Variants in DTNA observed in about 807,000 individuals in gnomAD.
The protein encoded by DTNA is dystrophin-related protein 3.
In DTNA, 43 loss-of-function variants were observed where a neutral mutation model predicts 100.7. The observed-to-expected ratio is 0.43, with a 90% CI of 0.33 to 0.55. The LOEUF (loss-of-function observed/expected upper bound fraction) is 0.55, where lower values mean the gene tolerates loss of function less well. DTNA is among the 20% of genes least tolerant of loss of function. DTNA has a pLI of 0.04. For synonymous variants in DTNA, 349 were observed against 347.9 expected (o/e 1.00, Z -0.04); for missense variants, 798 against 953.9 (o/e 0.84, Z 2.15).
chr18:34,556,184 G>A (rs954757752), intron 1 of DTNA, among the ~76,000 whole-genome samples: 6 of 151,288 alleles, frequency 4.0e-5, no homozygotes, highest in African/African-American at 1.5e-4. Flanking sequence ...CAGAGACTAG[G>A]ATTGCAACCC....
chr18:34,767,077 T>C (rs544265901), intron 3 of DTNA, among the ~76,000 whole-genome samples: 1 of 152,356 alleles, frequency 6.6e-6, no homozygotes, highest in East Asian at 1.9e-4. Flanking sequence ...ACGTTTTCTT[T>C]TCTTTTTAAA....
intron 11 of DTNA, among the ~76,000 whole-genome samples, chr18:34,830,263 G>C (rs2095973684): frequency 6.6e-6 from 1 of 151,838 alleles, no homozygotes; most frequent in Non-Finnish European, 1.5e-5. Flanking sequence ...AGTCAGTATA[G>C]GGCAGCACCG....
At chr18:34,559,757 T>C (rs1367985823) in intron 1 of DTNA, among the ~76,000 whole-genome samples, 1 of 152,204 alleles carries the variant, frequency 6.6e-6, no homozygotes, top group Admixed American at 6.5e-5. Flanking sequence ...CAGAGGTCTT[T>C]AGTAAACACA....
intron 20 of DTNA, 147 bp downstream of exon 20, chr18:34,879,866 T>C: frequency 9.5e-7 from 1 of 1,052,012 alleles, no homozygotes; most frequent in African/African-American, 1.6e-5. Flanking sequence ...TATAGAAGGG[T>C]GCTACATTTA....
chr18:34,822,365 G>A (rs1057244794), intron 9 of DTNA: 1 of 152,218 alleles, frequency 6.6e-6, no homozygotes. Flanking sequence ...AGCAGCCAGT[G>A]CTCCCTGAGC....
At chr18:34,706,977 A>G (rs984323131), upstream of DTNA, among the ~76,000 whole-genome samples, 1 of 152,230 alleles carries the variant, frequency 6.6e-6, no homozygotes, top group African/African-American at 2.4e-5. Flanking sequence ...TGCCCTAACA[A>G]TAAAGCACTT....
intron 6 of DTNA, 200 bp from the exon 7 acceptor site, chr18:34,815,709 A>G (rs574981507): frequency 3.6e-6 from 2 of 550,322 alleles, no homozygotes; most frequent in Admixed American, 2.8e-5. Flanking sequence ...ATTCAGTCCT[A>G]TGTCTGCTTA....
intron 1 of DTNA, among the ~76,000 whole-genome samples, chr18:34,717,929 A>G (rs2084386270): frequency 6.6e-6 from 1 of 152,210 alleles, no homozygotes; most frequent in African/African-American, 2.4e-5. Context: ...CCAGAAGTTA[A>G]TGTTACAATC....
chr18:34,732,517 G>T (rs753678976), intron 1 of DTNA, among the ~76,000 whole-genome samples: 31 of 152,188 alleles, frequency 2.0e-4, no homozygotes, highest in Non-Finnish European at 3.8e-4. Flanking sequence ...ATGCAACCTG[G>T]ACTGAGCTGG....
intron 1 of DTNA, among the ~76,000 whole-genome samples, chr18:34,558,972 A>G (rs1329919629): frequency 6.6e-6 from 1 of 152,220 alleles, no homozygotes; most frequent in African/African-American, 2.4e-5. Flanking sequence ...CTTGTTACAC[A>G]TGGCCACTCT....
chr18:34,889,015 G>C lies in DTNA; in HGVS notation c.*1281G>C, dbSNP rs1320652507. 1 of 985,684 alleles carries C rather than the reference G, an allele frequency of 1.0e-6. No individual in the cohort carries two copies. The highest frequency in any genetic ancestry group is 1.2e-6 in the Non-Finnish European group (1 of 829,924). The allele number at this position is 985,684 out of a possible 1,614,324, so 61.1% of individuals were successfully genotyped here. A position where few individuals can be genotyped will look rare whatever the true frequency, so the allele number is the denominator to read the frequency against. ...TGCAAAAGAGCTATCAAAGACAAGAGGATAAAAGACTGGGATAGTCTTTTC... is the reference window on the plus strand; with the variant it reads ...TGCAAAAGAGCTATCAAAGACAAGACGATAAAAGACTGGGATAGTCTTTTC... On this transcript the variant is annotated 3_prime_UTR_variant, in exon 23 of 23. Transcript: ENST00000444659.
rs537397991 is a variant in DTNA, at chr18:34,856,986, A to G, written c.1533-1299A>G. On this transcript the variant is annotated intron_variant, in intron 15 of 22. Transcript: ENST00000444659. Reference sequence around the variant, plus strand: ...TGGAAATCCCACTGCACTGATTTTCAGGCTGAGCTTTATGGCATCCTGAGG... The same window carrying G: ...TGGAAATCCCACTGCACTGATTTTCGGGCTGAGCTTTATGGCATCCTGAGG... Among the ~76,000 whole-genome samples the G allele has an allele frequency of 2.0e-5, 3 of 152,300 alleles. No individual in the cohort carries two copies. In the East Asian group the frequency reaches 5.8e-4, roughly 29 times the overall value.
intron 1 of DTNA, among the ~76,000 whole-genome samples, chr18:34,737,085 A>G (rs2089753744): frequency 6.6e-6 from 1 of 152,182 alleles, no homozygotes; most frequent in South Asian, 2.1e-4. Flanking sequence ...TTAGTATTCT[A>G]AGGATATTTG....
chr18:34,827,695 A>T lies in DTNA; in HGVS notation c.1085+19A>T, dbSNP rs753277083. ...CCAGGAGGTAAGTTCCAACCCTATT[A>T]TAAAATAAGCCCTTTCTTTGGTAAT... On this transcript the variant is annotated intron_variant, in intron 10 of 22. Transcript: ENST00000444659. 1.2e-6 allele frequency: 2 copies of T among 1,609,120 alleles called. No individual in the cohort carries two copies. The highest frequency in any genetic ancestry group is 4.5e-5 in the East Asian group (2 of 44,836).
At chr18:34,821,579 G>A (rs75355440) in intron 9 of DTNA, 8,139 of 448,780 alleles carry the variant, frequency 0.018, 123 homozygotes, top group Non-Finnish European at 0.025. Flanking sequence ...TCAGGCCTGG[G>A]TGGCCAAGAT....
At chr18:34,602,486 G>T (rs1015747760) in intron 1 of DTNA, among the ~76,000 whole-genome samples, 1 of 152,112 alleles carries the variant, frequency 6.6e-6, no homozygotes, top group African/African-American at 2.4e-5. Flanking sequence ...AGTGTAATTT[G>T]ACTATGGAAC....
intron 1 of DTNA, among the ~76,000 whole-genome samples, chr18:34,615,509 G>A (rs1251101809): frequency 1.3e-5 from 2 of 152,300 alleles, no homozygotes; most frequent in East Asian, 1.9e-4. Flanking sequence ...GGCAAAAAGA[G>A]TATGACTCAG....
chr18:34,680,968 C>T (rs1007302050), intron 1 of DTNA, among the ~76,000 whole-genome samples: 1 of 152,040 alleles, frequency 6.6e-6, no homozygotes, highest in African/African-American at 2.4e-5. Flanking sequence ...TACATGTTAC[C>T]TCCAGCTTCT....
At chr18:34,783,877 G>A (rs2094424935) in intron 3 of DTNA, among the ~76,000 whole-genome samples, 2 of 152,082 alleles carry the variant, frequency 1.3e-5, no homozygotes, top group African/African-American at 4.8e-5. Flanking sequence ...ATTTATTTTA[G>A]AGCTCTTAAC....
Sources: gnomAD v4.1 joint callset for allele counts (sites outside exome capture counted in the v4.1 genomes callset) on GRCh38, gnomAD v4.1.1 for gene constraint, MANE v1.5 for transcripts, NCBI Gene and HGNC (gene_info 2026-07-23, HGNC 2026-07-21) for gene names.